The following KATNIP variants were observed in gnomAD, a reference collection of about 807,000 sequenced individuals.
The protein encoded by KATNIP is katanin-interacting protein.
KATNIP carries 126 observed loss-of-function variants against 174.0 expected under a neutral mutation model. That is an observed-to-expected ratio of 0.72 (90% confidence interval 0.63 to 0.84). The LOEUF (loss-of-function observed/expected upper bound fraction) is 0.84, where lower values mean the gene tolerates loss of function less well. Among genes scored for constraint, KATNIP ranks in the 40% least tolerant of loss-of-function variants. The probability of loss-of-function intolerance (pLI) is 0.00; values close to 1 mark genes in which losing one functional copy is unlikely to be tolerated. For missense variants in KATNIP, 1,958 were observed against 2,109.7 expected, an observed-to-expected ratio of 0.93 and a Z score of 1.41; for synonymous variants, 810 against 835.7, an observed-to-expected ratio of 0.97 and a Z score of 0.53.
chr16:27,756,728 A>C (rs1233230801), intron 18 of KATNIP, among the ~76,000 whole-genome samples: 1 of 152,152 alleles, frequency 6.6e-6, no homozygotes, highest in Non-Finnish European at 1.5e-5. Flanking sequence ...GAATAATGGA[A>C]ATTTAATTCA....
At chr16:27,567,701 T>A (rs1312559902) in intron 1 of KATNIP, among the ~76,000 whole-genome samples, 1 of 152,196 alleles carries the variant, frequency 6.6e-6, no homozygotes, top group African/African-American at 2.4e-5. Context: ...TTTTTGTATT[T>A]TTAGTAGAGA....
At chr16:27,575,675 TG>T in intron 2 of KATNIP, among the ~76,000 whole-genome samples, 2 of 152,326 alleles carry the variant, frequency 1.3e-5, no homozygotes, top group South Asian at 4.1e-4. Flanking sequence ...GGGGCTGAAC[TG>T]CACTCAGCGT....
At chr16:27,572,992 G>T (rs114220635) in intron 1 of KATNIP, among the ~76,000 whole-genome samples, 1,801 of 152,242 alleles carry the variant, frequency 0.012, 47 homozygotes, top group African/African-American at 0.041. Flanking sequence ...CCTCACTCAC[G>T]TGCAGACTTG....
intron 2 of KATNIP, among the ~76,000 whole-genome samples, chr16:27,584,062 A>G (rs1478316074): frequency 6.6e-6 from 1 of 152,144 alleles, no homozygotes; most frequent in Admixed American, 6.6e-5. Flanking sequence ...CTTTCTATAT[A>G]GAATGGGGAT....
chr16:27,714,484 A>G (rs2079836592), intron 13 of KATNIP, among the ~76,000 whole-genome samples: 1 of 152,200 alleles, frequency 6.6e-6, no homozygotes, highest in Non-Finnish European at 1.5e-5. Flanking sequence ...GTAAAATAGT[A>G]CAGAAAACAG....
chr16:27,714,075 C>T (rs552520942), intron 13 of KATNIP, among the ~76,000 whole-genome samples: 1 of 151,514 alleles, frequency 6.6e-6, no homozygotes, highest in Middle Eastern at 3.4e-3. Flanking sequence ...TCATTCCTAC[C>T]TCTCCAAAAC....
intron 2 of KATNIP, among the ~76,000 whole-genome samples, chr16:27,602,916 A>C (rs997522581): frequency 2.9e-4 from 44 of 152,242 alleles, no homozygotes; most frequent in Admixed American, 2.0e-3. Flanking sequence ...CCAGGCTGGT[A>C]TTGAACTCCT....
chr16:27,735,635 T>G (rs2080870753), intron 14 of KATNIP, among the ~76,000 whole-genome samples: 1 of 152,196 alleles, frequency 6.6e-6, no homozygotes, highest in African/African-American at 2.4e-5. Flanking sequence ...AGTCGGCAAA[T>G]GGTAGCCTGC....
chr16:27,600,886 C>G (rs375126079), intron 2 of KATNIP, among the ~76,000 whole-genome samples: 1 of 152,112 alleles, frequency 6.6e-6, no homozygotes, highest in Non-Finnish European at 1.5e-5. Flanking sequence ...CACACCACCA[C>G]GCCCAGCTAA....
chr16:27,763,227 A>G (rs1307812513), intron 19 of KATNIP, among the ~76,000 whole-genome samples: 1 of 151,948 alleles, frequency 6.6e-6, no homozygotes, highest in African/African-American at 2.4e-5. Flanking sequence ...AGGTAGGAGG[A>G]TCACTTGAGT....
At chr16:27,727,961 T>G (rs2080516294) in intron 14 of KATNIP, 1 of 152,286 alleles carries the variant, frequency 6.6e-6, no homozygotes, top group Non-Finnish European at 1.5e-5. Context: ...GATACCCACT[T>G]CATATTTAAA....
chr16:27,609,382 T>TC, intron 2 of KATNIP, among the ~76,000 whole-genome samples: 1 of 125,338 alleles, frequency 8.0e-6, no homozygotes, highest in African/African-American at 3.1e-5. Context: ...TTAAGTCTTT[T>TC]TTTTTTTTTT....
rs576534746 is a variant in KATNIP at position 27,747,879 on chromosome 16, G to A, written c.2624-1705G>A. 2.0e-5 allele frequency among the ~76,000 whole-genome samples: 3 copies of A among 152,306 alleles called. No individual in the cohort carries two copies. In the East Asian group the frequency reaches 5.8e-4, roughly 29 times the overall value. On this transcript the variant is annotated intron_variant, in intron 15 of 27. Transcript: ENST00000261588. The stretch of plus-strand genomic sequence containing the variant: ...TTCTTCCTTTCTTCTCTTCCAGGTA[G>A]GAGAGATTTATGCATGTCTGCAGGC...
intron 2 of KATNIP, among the ~76,000 whole-genome samples, chr16:27,617,280 C>T (rs2076069053): frequency 6.6e-6 from 1 of 152,160 alleles, no homozygotes; most frequent in African/African-American, 2.4e-5. Flanking sequence ...AGGAATCTGC[C>T]TCTGCATCTC....
At chr16:27,610,355 A>T (rs1160747172) in intron 2 of KATNIP, among the ~76,000 whole-genome samples, 1 of 152,088 alleles carries the variant, frequency 6.6e-6, no homozygotes, top group Non-Finnish European at 1.5e-5. Flanking sequence ...TGGGAGACAG[A>T]GTGGGGCTTT....
At chr16:27,728,722 G>A (rs889923361) in intron 14 of KATNIP, among the ~76,000 whole-genome samples, 4 of 152,100 alleles carry the variant, frequency 2.6e-5, no homozygotes, top group Non-Finnish European at 2.9e-5. Context: ...TGAACCGCTC[G>A]GCCCAGCCAC....
Position 27,774,859 on chromosome 16 carries a change from TC to T in KATNIP, c.4310-81del. 8 of 1,510,752 alleles carry T rather than the reference TC, an allele frequency of 5.3e-6. No individual in the cohort carries two copies. The South Asian group carries it at 8.2e-5, about 16-fold the overall frequency. 93.6% of individuals were successfully genotyped at this position (1,510,752 alleles called of 1,614,324 possible). On this transcript the variant is annotated intron_variant, in intron 23 of 27. Coordinates refer to ENST00000261588, the MANE Select transcript of KATNIP (RefSeq NM_015202.5). ...AGCATCAGCCCTGCCAGCCCCAGAG[TC>T]CCCCGAGCCACGCCATCAGCCTGAG...
At chr16:27,661,704 A>C (rs1288884224) in intron 6 of KATNIP, among the ~76,000 whole-genome samples, 1 of 148,224 alleles carries the variant, frequency 6.7e-6, no homozygotes, top group Admixed American at 6.8e-5. Context: ...GGGTTTCTTT[A>C]TGTTTGATTT....
chr16:27,778,510 G>T, intron 27 of KATNIP, 64 bp from the exon 28 acceptor site: 1 of 1,535,116 alleles, frequency 6.5e-7, no homozygotes, highest in Non-Finnish European at 9.0e-7. Flanking sequence ...ACTGGGGAGT[G>T]TGGGGCACCC....
Sources: allele counts gnomAD v4.1 joint callset (sites outside exome capture counted in the v4.1 genomes callset), GRCh38; gene constraint gnomAD v4.1.1; transcripts MANE v1.5; gene names NCBI Gene and HGNC (gene_info 2026-07-23, HGNC 2026-07-21).